MARCHF1: variants seen among roughly 807,000 people sequenced by gnomAD.
MARCHF1 encodes E3 ubiquitin-protein ligase MARCHF1.
A neutral mutation model predicts 54.2 loss-of-function variants in MARCHF1; 40 were observed. The ratio of observed to expected loss-of-function variants is 0.74; its 90% CI spans 0.57 to 0.96. The LOEUF (loss-of-function observed/expected upper bound fraction) is 0.96. MARCHF1 is among the 40% of genes least tolerant of loss of function. The pLI is 0.00. For synonymous variants in MARCHF1, 236 were observed against 236.3 expected (o/e 1.00, Z 0.01); for missense variants, 586 against 656.5 (o/e 0.89, Z 1.17).
At chr4:163,811,834 T>C (rs1748396892) in intron 4 of MARCHF1, among the ~76,000 whole-genome samples, 1 of 152,176 alleles carries the variant, frequency 6.6e-6, no homozygotes, top group Non-Finnish European at 1.5e-5. Context: ...GTGACATTAA[T>C]TTTATGTGTC....
intron 5 of MARCHF1, among the ~76,000 whole-genome samples, chr4:163,685,257 TAAGTG>T (rs937449818): frequency 3.9e-5 from 6 of 152,318 alleles, no homozygotes; most frequent in South Asian, 2.1e-4. Flanking sequence ...TGACGGCAGT[TAAGTG>T]AAGACTTAAT....
chr4:164,232,000 G>T (rs554350364), intron 1 of MARCHF1, among the ~76,000 whole-genome samples: 1 of 151,732 alleles, frequency 6.6e-6, no homozygotes, highest in Non-Finnish European at 1.5e-5. Flanking sequence ...TGTTTAATAG[G>T]GTGACTGACC....
chr4:164,361,263 A>G (rs886726945), intron 1 of MARCHF1, among the ~76,000 whole-genome samples: 3 of 152,030 alleles, frequency 2.0e-5, no homozygotes, highest in Non-Finnish European at 2.9e-5. Flanking sequence ...ATTTCCTTTT[A>G]TCAAACTTTT....
chr4:163,648,939 A>T (rs574163990), intron 5 of MARCHF1, among the ~76,000 whole-genome samples: 3 of 151,592 alleles, frequency 2.0e-5, no homozygotes, highest in Non-Finnish European at 4.4e-5. Flanking sequence ...AAAACCTTAC[A>T]GGAGCAAGGA....
At chr4:163,588,518 C>A (rs1418294591) in intron 7 of MARCHF1, among the ~76,000 whole-genome samples, 1 of 152,152 alleles carries the variant, frequency 6.6e-6, no homozygotes, top group Non-Finnish European at 1.5e-5. Context: ...TTTGGAGCCA[C>A]TAAAATCTAA....
chr4:164,023,623 C>A (rs748573184), intron 2 of MARCHF1, among the ~76,000 whole-genome samples: 8 of 152,082 alleles, frequency 5.3e-5, no homozygotes, highest in Non-Finnish European at 1.0e-4. Flanking sequence ...AAAAGAACAC[C>A]AGCCCTCTCA....
At chr4:163,715,611 AGG>A (rs1317807904) in intron 4 of MARCHF1, among the ~76,000 whole-genome samples, 1 of 152,188 alleles carries the variant, frequency 6.6e-6, no homozygotes, top group South Asian at 2.1e-4. Flanking sequence ...AATCTGAAGG[AGG>A]TGAATTTTAA....
chr4:163,873,075 ACAAACAAACAAACAAAAAAAAT>A (rs986436400), intron 3 of MARCHF1, among the ~76,000 whole-genome samples: 2 of 144,708 alleles, frequency 1.4e-5, no homozygotes. Flanking sequence ...ACAAAAAAAA[ACAAACAAACAAACAAAAAAAAT>A]GATGAAGTCA....
At chr4:164,014,597 T>C (rs908668932) in intron 2 of MARCHF1, among the ~76,000 whole-genome samples, 3 of 151,394 alleles carry the variant, frequency 2.0e-5, no homozygotes, top group African/African-American at 7.3e-5. Flanking sequence ...AGACATAGAG[T>C]GGTGGAATCA....
intron 3 of MARCHF1, among the ~76,000 whole-genome samples, chr4:163,886,440 G>T (rs558054697): frequency 6.6e-6 from 1 of 151,704 alleles, no homozygotes; most frequent in Non-Finnish European, 1.5e-5. Flanking sequence ...CTATAATAAA[G>T]CATCTCAACC....
chr4:163,563,733 G>C (rs1369800994), intron 8 of MARCHF1, among the ~76,000 whole-genome samples: 1 of 152,178 alleles, frequency 6.6e-6, no homozygotes, highest in Non-Finnish European at 1.5e-5. Flanking sequence ...AGGATTAAAT[G>C]GGGCTACGTA....
At chr4:163,817,821 T>C (rs1292368482) in intron 4 of MARCHF1, among the ~76,000 whole-genome samples, 1 of 151,452 alleles carries the variant, frequency 6.6e-6, no homozygotes, top group Non-Finnish European at 1.5e-5. Context: ...GGGATATGGA[T>C]GAAATTGGAA....
At chr4:163,593,676 A>G (rs1410517424) in intron 7 of MARCHF1, among the ~76,000 whole-genome samples, 2 of 152,218 alleles carry the variant, frequency 1.3e-5, no homozygotes, top group Non-Finnish European at 2.9e-5. Context: ...TGAGCATTAC[A>G]TCAAAGAAAG....
At chr4:164,151,153 A>G (rs192999769) in intron 1 of MARCHF1, among the ~76,000 whole-genome samples, 1 of 129,222 alleles carries the variant, frequency 7.7e-6, no homozygotes, top group African/African-American at 3.6e-5. Flanking sequence ...CAGAACTCTA[A>G]GAAAATAAAT....
chr4:163,848,254 T>C (rs1471110064), intron 4 of MARCHF1, among the ~76,000 whole-genome samples: 1 of 152,174 alleles, frequency 6.6e-6, no homozygotes, highest in Non-Finnish European at 1.5e-5. Context: ...CATCCTGGAA[T>C]ATAATACACA....
chr4:164,018,508 A>C (rs1265569841), intron 2 of MARCHF1, among the ~76,000 whole-genome samples: 1 of 152,098 alleles, frequency 6.6e-6, no homozygotes, highest in African/African-American at 2.4e-5. Flanking sequence ...ATCTAATATA[A>C]AATTGGCAAA....
At chr4:164,066,303 T>G (rs1579505505) in intron 2 of MARCHF1, among the ~76,000 whole-genome samples, 1 of 152,002 alleles carries the variant, frequency 6.6e-6, no homozygotes, top group East Asian at 1.9e-4. Context: ...GAAATGCAAA[T>G]CAAAACCACA....
At chr4:163,924,400 A>G (rs1751495768) in intron 3 of MARCHF1, among the ~76,000 whole-genome samples, 1 of 152,012 alleles carries the variant, frequency 6.6e-6, no homozygotes, top group Non-Finnish European at 1.5e-5. Context: ...TGTGGACAAA[A>G]CACCTCAGAA....
chr4:163,948,914 G>A (rs1752075657), intron 3 of MARCHF1, among the ~76,000 whole-genome samples: 1 of 152,220 alleles, frequency 6.6e-6, no homozygotes, highest in African/African-American at 2.4e-5. Flanking sequence ...ACCAAGTCTA[G>A]GGGATTGTGA....
Sources: gnomAD v4.1 joint callset for allele counts (sites outside exome capture counted in the v4.1 genomes callset) on GRCh38, gnomAD v4.1.1 for gene constraint, MANE v1.5 for transcripts, NCBI Gene and HGNC (gene_info 2026-07-23, HGNC 2026-07-21) for gene names.